ARHGAP6: variants seen among roughly 807,000 people sequenced by gnomAD.
ARHGAP6 encodes Rho GTPase activating protein 6.
Under a neutral mutation model 55.7 loss-of-function variants are expected in ARHGAP6, and 16 were observed. The ratio of observed to expected loss-of-function variants is 0.29; its 90% confidence interval spans 0.19 to 0.44. The LOEUF (loss-of-function observed/expected upper bound fraction) is 0.44, where lower values mean the gene tolerates loss of function less well. Ranked by LOEUF, ARHGAP6 falls within the 20% of genes least tolerant of loss-of-function variation. ARHGAP6 has a pLI of 1.00. For missense variants in ARHGAP6, 698 were observed against 808.9 expected, an observed-to-expected ratio of 0.86 and a Z score of 1.66; for synonymous variants, 382 against 360.9, an observed-to-expected ratio of 1.06 and a Z score of -0.66.
intron 1 of ARHGAP6, among the ~76,000 whole-genome samples, chrX:11,257,701 G>A (rs1016456104): frequency 1.8e-5 from 2 of 111,850 alleles, no homozygotes; most frequent in Non-Finnish European, 1.9e-5. Context: ...CACAGTCCTC[G>A]TCCTCAGAGT....
chrX:11,299,068 C>T, intron 1 of ARHGAP6: 1 of 1,030,658 alleles, frequency 9.7e-7, no homozygotes, highest in Non-Finnish European at 1.3e-6. Context: ...AACCAAGGAT[C>T]TAGAGTTGTA....
At chrX:11,209,473 T>C (rs1254720788) in intron 2 of ARHGAP6, among the ~76,000 whole-genome samples, 2 of 112,438 alleles carry the variant, frequency 1.8e-5, no homozygotes, top group African/African-American at 6.5e-5. Context: ...ACTGCACTGC[T>C]GAATTCAAAA....
At chrX:11,486,851 G>T (rs1354622011) in intron 1 of ARHGAP6, among the ~76,000 whole-genome samples, 1 of 112,026 alleles carries the variant, frequency 8.9e-6, no homozygotes, top group African/African-American at 3.2e-5. Flanking sequence ...ACTGGCAGTG[G>T]CTTGGTATGG....
intron 8 of ARHGAP6, among the ~76,000 whole-genome samples, chrX:11,175,317 G>A (rs779781513): frequency 8.9e-6 from 1 of 112,128 alleles, no homozygotes; most frequent in East Asian, 2.8e-4. Flanking sequence ...CGATTTCACG[G>A]AAGCAATGCT....
intron 1 of ARHGAP6, among the ~76,000 whole-genome samples, chrX:11,514,161 CAAAAAAAAAAAA>C (rs1156613318): frequency 2.8e-5 from 1 of 35,781 alleles, no homozygotes; most frequent in East Asian, 1.1e-3. Flanking sequence ...AACCCTGTCT[CAAAAAAAAAAAA>C]AAAAAAAAAA....
chrX:11,408,938 C>T (rs2049646118), intron 1 of ARHGAP6, among the ~76,000 whole-genome samples: 1 of 110,369 alleles, frequency 9.1e-6, no homozygotes, highest in South Asian at 3.9e-4. Flanking sequence ...CACACACACA[C>T]ACGCATCCTC....
At chrX:11,595,417 A>C (rs984712776) in intron 1 of ARHGAP6, among the ~76,000 whole-genome samples, 2 of 111,743 alleles carry the variant, frequency 1.8e-5, no homozygotes, top group African/African-American at 6.5e-5. Context: ...CCTTATACAA[A>C]AACCAACTCA....
intron 10 of ARHGAP6, among the ~76,000 whole-genome samples, chrX:11,149,991 C>G (rs2045751951): frequency 9.0e-6 from 1 of 111,512 alleles, no homozygotes; most frequent in Admixed American, 9.5e-5. Flanking sequence ...GTGAAGGCTA[C>G]TAATAGAATT....
intron 1 of ARHGAP6, among the ~76,000 whole-genome samples, chrX:11,524,243 G>A (rs1412221348): frequency 9.0e-6 from 1 of 111,704 alleles, no homozygotes; most frequent in Non-Finnish European, 1.9e-5. Context: ...TGCATTGACT[G>A]ATTTCTAGTC....
intron 1 of ARHGAP6, among the ~76,000 whole-genome samples, chrX:11,494,524 A>G (rs984015427): frequency 2.7e-5 from 3 of 112,844 alleles, no homozygotes. Flanking sequence ...CAAATCAACA[A>G]CAGCAAATTA....
At chrX:11,563,062 T>C (rs1034299795) in intron 1 of ARHGAP6, among the ~76,000 whole-genome samples, 6 of 111,307 alleles carry the variant, frequency 5.4e-5, no homozygotes, top group African/African-American at 2.0e-4. Context: ...AAAAGAGACA[T>C]AAGGGCCATT....
intron 1 of ARHGAP6, among the ~76,000 whole-genome samples, chrX:11,372,122 A>G (rs1023776779): frequency 8.9e-6 from 1 of 112,380 alleles, no homozygotes; most frequent in Non-Finnish European, 1.9e-5. Flanking sequence ...TATCCAAGCT[A>G]CTTTTGAAAT....
intron 1 of ARHGAP6, among the ~76,000 whole-genome samples, chrX:11,428,617 G>T (rs2049913559): frequency 9.0e-6 from 1 of 111,717 alleles, no homozygotes; most frequent in Non-Finnish European, 1.9e-5. Flanking sequence ...CAAAGTGGAA[G>T]ATGTGCTTGG....
chrX:11,321,572 A>G (rs930882906), intron 1 of ARHGAP6, among the ~76,000 whole-genome samples: 7 of 111,971 alleles, frequency 6.3e-5, no homozygotes, highest in African/African-American at 2.3e-4. Flanking sequence ...CCACACACAT[A>G]TACGCACACA....
intron 1 of ARHGAP6, among the ~76,000 whole-genome samples, chrX:11,465,710 G>A: frequency 9.0e-6 from 1 of 111,476 alleles, no homozygotes; most frequent in African/African-American, 3.3e-5. Flanking sequence ...ACTGAACACA[G>A]CATCACTTTT....
chrX:11,533,247 G>A (rs2051070875), intron 1 of ARHGAP6, among the ~76,000 whole-genome samples: 2 of 110,592 alleles, frequency 1.8e-5, no homozygotes, highest in East Asian at 2.8e-4. Flanking sequence ...TCCACTAGGT[G>A]GCACTTAAGA....
rs759213856 is a variant in ARHGAP6 at position 11,553,668 on chromosome X, G to A, written c.588+110573C>T. ...AATTCACCATTAAGTTTACTAAAGCGATAATGGCTTCCAAAAAGTCAAGGG... is the reference window on the plus strand; with the variant it reads ...AATTCACCATTAAGTTTACTAAAGCAATAATGGCTTCCAAAAAGTCAAGGG... On this transcript the variant is annotated intron_variant, in intron 1 of 12. Coordinates refer to ENST00000337414, the MANE Select transcript of ARHGAP6 (RefSeq NM_013427.3). 7.1e-5 allele frequency among the ~76,000 whole-genome samples: 8 copies of A among 112,225 alleles called. No homozygotes were observed. In the East Asian group the frequency reaches 8.3e-4, roughly 12 times the overall value.
At chrX:11,213,516 C>T (rs187131812) in intron 2 of ARHGAP6, among the ~76,000 whole-genome samples, 18 of 112,051 alleles carry the variant, frequency 1.6e-4, no homozygotes, top group African/African-American at 5.5e-4. Context: ...TGCCCAACAA[C>T]GGATAACTGG....
chrX:11,171,436 C>T (rs1347840537), intron 8 of ARHGAP6, among the ~76,000 whole-genome samples: 1 of 110,965 alleles, frequency 9.0e-6, no homozygotes, highest in Non-Finnish European at 1.9e-5. Context: ...TTCATTGGCC[C>T]CTAGAATCCC....
Sources: allele counts gnomAD v4.1 joint callset (sites outside exome capture counted in the v4.1 genomes callset), GRCh38; gene constraint gnomAD v4.1.1; transcripts MANE v1.5; gene names NCBI Gene and HGNC (gene_info 2026-07-23, HGNC 2026-07-21).